Variants in TMEM51 observed in about 807,000 individuals in gnomAD.
TMEM51 encodes transmembrane protein 51, also known as chromosome 1 open reading frame 72.
TMEM51 carries 8 observed loss-of-function variants against 13.6 expected under a neutral mutation model. The ratio of observed to expected loss-of-function variants is 0.59; its 90% CI spans 0.35 to 1.07. The LOEUF is 1.07. Among genes scored for constraint, TMEM51 ranks in the 50% least tolerant of loss-of-function variants. The pLI is 0.02. For synonymous variants in TMEM51, 147 were observed against 144.4 expected (o/e 1.02, Z -0.13); for missense variants, 279 against 330.7 (o/e 0.84, Z 1.21).
chr1:15,203,914 C>T (rs1015789892), intron 1 of TMEM51, among the ~76,000 whole-genome samples: 2 of 152,206 alleles, frequency 1.3e-5, no homozygotes, highest in African/African-American at 2.4e-5. Flanking sequence ...GATACAAACC[C>T]GGCCTCTGAT....
intron 1 of TMEM51, among the ~76,000 whole-genome samples, chr1:15,170,881 A>G (rs1023467180): frequency 1.1e-4 from 17 of 151,858 alleles, no homozygotes; most frequent in Non-Finnish European, 2.2e-4. Context: ...GGCGCCCTCC[A>G]CCACGCCTGG....
intron 3 of TMEM51, among the ~76,000 whole-genome samples, chr1:15,218,027 G>A (rs537641778): frequency 6.6e-6 from 1 of 152,166 alleles, no homozygotes; most frequent in Admixed American, 6.5e-5. Flanking sequence ...AAGGAGGGTG[G>A]GAGGAAAACC....
At chr1:15,206,243 AAAAG>A (rs535750740) in intron 1 of TMEM51, among the ~76,000 whole-genome samples, 15,748 of 142,150 alleles carry the variant, frequency 0.11, 936 homozygotes, top group Non-Finnish European at 0.17. Flanking sequence ...AAAAAAAAAA[AAAAG>A]AGAGAGAGAA....
At chr1:15,174,298 A>G (rs955008454) in intron 1 of TMEM51, among the ~76,000 whole-genome samples, 6 of 152,158 alleles carry the variant, frequency 3.9e-5, no homozygotes, top group Admixed American at 3.9e-4. Context: ...GCTGGAGTAC[A>G]GTGGCTTGAT....
chr1:15,211,724 A>T (rs1408173584), intron 2 of TMEM51, among the ~76,000 whole-genome samples: 1 of 151,408 alleles, frequency 6.6e-6, no homozygotes, highest in Non-Finnish European at 1.5e-5. Context: ...ATACAATCAG[A>T]TTGTGAAAAT....
At chr1:15,194,225 A>C (rs942018069) in intron 1 of TMEM51, among the ~76,000 whole-genome samples, 2 of 152,268 alleles carry the variant, frequency 1.3e-5, no homozygotes, top group Admixed American at 1.3e-4. Context: ...AAAAGGACAA[A>C]GAAACAGGCA....
At chr1:15,167,575 A>T (rs1643068610) in intron 1 of TMEM51, among the ~76,000 whole-genome samples, 1 of 152,148 alleles carries the variant, frequency 6.6e-6, no homozygotes, top group Admixed American at 6.5e-5. Flanking sequence ...TTGGGTTTGT[A>T]TGTGAGTGTA....
At chr1:15,162,779 C>T (rs1408222310) in intron 1 of TMEM51, among the ~76,000 whole-genome samples, 1 of 151,912 alleles carries the variant, frequency 6.6e-6, no homozygotes, top group African/African-American at 2.4e-5. Flanking sequence ...AAGACAGATA[C>T]TATATGATTC....
intron 1 of TMEM51, among the ~76,000 whole-genome samples, chr1:15,178,940 G>A (rs1446173840): frequency 6.6e-6 from 1 of 152,156 alleles, no homozygotes; most frequent in Non-Finnish European, 1.5e-5. Context: ...TCATATGAAC[G>A]GCTGACATCA....
Position 15,215,227 on chromosome 1 carries a change from G to A in TMEM51, c.140G>A (p.Gly47Asp). 6.2e-7 allele frequency: 1 copy of A among 1,614,226 alleles called. No homozygotes were observed. The highest frequency in any genetic ancestry group is 8.5e-7 in the Non-Finnish European group (1 of 1,180,036). The change falls in exon 3 of 4, where the codon GGC becomes GAC. Residue 47 changes from glycine (G) to aspartate (D), a missense_variant. Transcript: ENST00000376008. ...FSAAEKPTAQ[G>D]SNKTEVGGGI... ...GCGGCCGAGAAGCCAACAGCTCAGG[G>A]CAGCAACAAGACCGAGGTGGGTGGC...
chr1:15,175,057 A>C (rs977702864), intron 1 of TMEM51, among the ~76,000 whole-genome samples: 7 of 152,170 alleles, frequency 4.6e-5, no homozygotes, highest in Non-Finnish European at 1.0e-4. Context: ...TCTCCTGCCC[A>C]AATCAAACTC....
intron 1 of TMEM51, among the ~76,000 whole-genome samples, chr1:15,156,367 G>A (rs1191819966): frequency 6.6e-6 from 1 of 152,214 alleles, no homozygotes; most frequent in Non-Finnish European, 1.5e-5. Flanking sequence ...AGGCCTGGCT[G>A]TAAACCCCTC....
Position 15,219,327 on chromosome 1 carries a change from C to A in TMEM51, c.346C>A (p.Gln116Lys). Residue 116 changes from glutamine to lysine, a missense_variant and splice_region_variant, in exon 4 of 4, where the codon CAG becomes AAG. By Grantham distance (53) the Gln-to-Lys change is moderately conservative. Coordinates refer to ENST00000376008, the MANE Select transcript of TMEM51 (RefSeq NM_001136218.2). ...AGPHAQEEDS[Q>K]EEEEEDEEAA... ...CCCTGTCTGTGTGTCTTCTTGCAGC[C>A]AGGAGGAAGAAGAGGAGGATGAGGA... 5 of 1,572,544 alleles carry A rather than the reference C, an allele frequency of 3.2e-6. No homozygotes were observed. Among genetic ancestry groups the A allele is most frequent in the Non-Finnish European group, 4.3e-6 (5 of 1,157,786 alleles).
intron 3 of TMEM51, 29 bp from the exon 4 acceptor site, chr1:15,219,297 A>T (rs1198442030): frequency 6.5e-6 from 10 of 1,549,816 alleles, no homozygotes; most frequent in Non-Finnish European, 8.7e-6. Context: ...ACAGGCTAAC[A>T]CTCTCCCTGT....
intron 1 of TMEM51, among the ~76,000 whole-genome samples, chr1:15,156,978 G>A (rs1404510014): frequency 1.3e-5 from 2 of 152,170 alleles, no homozygotes; most frequent in Admixed American, 6.5e-5. Flanking sequence ...AGCCTCCCCT[G>A]CCAATGTTTT....
At chr1:15,158,149 T>C (rs1557828217) in intron 1 of TMEM51, among the ~76,000 whole-genome samples, 1 of 152,140 alleles carries the variant, frequency 6.6e-6, no homozygotes, top group Non-Finnish European at 1.5e-5. Context: ...TGAGATAATG[T>C]GAGTGACTTC....
chr1:15,163,741 AT>A (rs1342290244), intron 1 of TMEM51, among the ~76,000 whole-genome samples: 3 of 146,250 alleles, frequency 2.1e-5, no homozygotes, highest in Non-Finnish European at 4.5e-5. Flanking sequence ...TTTTGGAATA[AT>A]TTTAGATTTA....
intron 1 of TMEM51, among the ~76,000 whole-genome samples, chr1:15,196,338 C>T (rs1456409378): frequency 6.6e-6 from 1 of 152,176 alleles, no homozygotes; most frequent in Non-Finnish European, 1.5e-5. Flanking sequence ...GGAATATTTA[C>T]ACCACAGCGA....
chr1:15,168,513 A>G, intron 1 of TMEM51: 1 of 1,304,540 alleles, frequency 7.7e-7, no homozygotes, highest in East Asian at 5.5e-5. Context: ...CCTTGGTTTT[A>G]TGATTGGAAG....
Sources: allele counts gnomAD v4.1 joint callset (sites outside exome capture counted in the v4.1 genomes callset), GRCh38; gene constraint gnomAD v4.1.1; transcripts MANE v1.5; gene names NCBI Gene and HGNC (gene_info 2026-07-23, HGNC 2026-07-21).